Variants in IQCK observed in about 807,000 individuals in gnomAD.
IQCK encodes the protein IQ domain-containing protein K.
A neutral mutation model predicts 28.1 loss-of-function variants in IQCK; 29 were observed. The observed-to-expected ratio is 1.03, with a 90% CI of 0.77 to 1.41. The LOEUF is 1.41. Among genes scored for constraint, IQCK ranks in the 40% most tolerant of loss-of-function variants. The probability of loss-of-function intolerance (pLI) is 0.00; values close to 1 mark genes in which losing one functional copy is unlikely to be tolerated. For missense variants in IQCK, 359 were observed against 314.7 expected (o/e 1.14, Z -1.07); for synonymous variants, 113 against 115.1 (o/e 0.98, Z 0.12).
At chr16:19,723,902 C>T (rs1228348335) in intron 1 of IQCK, among the ~76,000 whole-genome samples, 3 of 150,994 alleles carry the variant, frequency 2.0e-5, no homozygotes, top group South Asian at 2.1e-4. Flanking sequence ...GGAGGTTGCA[C>T]TGAGCCGAGA....
At position 19,764,031 on chromosome 16, in the gene IQCK, C is replaced by G. The variant is rs2055191967; in HGVS notation, c.528-4C>G. 1.2e-6 allele frequency: 2 copies of G among 1,613,630 alleles called. No individual in the cohort carries two copies. Among genetic ancestry groups the G allele is most frequent in the Non-Finnish European group, 1.7e-6 (2 of 1,179,690 alleles). ...GTCAATCAAACATATGGCATCATGA[C>G]CAGCCAAAATCCAAAGAGGGCAGGG... On this transcript the variant is annotated splice_polypyrimidine_tract_variant and splice_region_variant and intron_variant, in intron 5 of 7. Coordinates refer to ENST00000564186, the Ensembl canonical transcript of IQCK.
chr16:19,746,463 A>G (rs1271253668), intron 4 of IQCK, among the ~76,000 whole-genome samples: 3 of 152,228 alleles, frequency 2.0e-5, no homozygotes, highest in South Asian at 4.1e-4. Context: ...CCTGACATTC[A>G]TTCCTACTGT....
chr16:19,819,478 G>A (rs2056035489), intron 7 of IQCK: 1 of 151,586 alleles, frequency 6.6e-6, no homozygotes, highest in African/African-American at 2.4e-5. Context: ...GGGTGACAGA[G>A]TGAGACTCCA....
chr16:19,732,435 TC>T lies in IQCK; in HGVS notation c.247-1262del, dbSNP rs537295084. Among the ~76,000 whole-genome samples the T allele has an allele frequency of 3.9e-5, 6 of 151,988 alleles. No individual in the cohort carries two copies. In the East Asian group the frequency reaches 1.2e-3, roughly 29 times the overall value. ...TTCTTCAGGGTGAACAGGCAGAGAGTCGGTATTTTGGGATTGGGCGGTGGCG... is the reference window on the plus strand; with the variant it reads ...TTCTTCAGGGTGAACAGGCAGAGAGTGGTATTTTGGGATTGGGCGGTGGCG... On this transcript the variant is annotated intron_variant, in intron 2 of 7. Coordinates refer to ENST00000564186, the Ensembl canonical transcript of IQCK.
At chr16:19,760,751 G>T (rs1212044563) in intron 4 of IQCK, among the ~76,000 whole-genome samples, 1 of 152,036 alleles carries the variant, frequency 6.6e-6, no homozygotes, top group African/African-American at 2.4e-5. Context: ...AAAAATTCAG[G>T]GCAAGTCCGT....
Position 19,733,825 on chromosome 16 carries a change from CAT to C in IQCK, c.375_376del (p.Cys126PhefsTer20), listed in dbSNP as rs1491468616. The stretch of plus-strand genomic sequence containing the variant: ...AAATCGGAAACAATCAACCCAAAAA[CAT>C]GTGAGTAAGAGAGATGCCATCTTTT... On this transcript the variant is annotated frameshift_variant and splice_region_variant, in exon 3 of 8. Transcript: ENST00000564186. LOFTEE classifies it high-confidence loss of function. The C allele has an allele frequency of 5.3e-5, 85 of 1,613,900 alleles. No individual in the cohort carries two copies. The highest frequency in any genetic ancestry group is 8.0e-5 in the African/African-American group (6 of 74,920).
chr16:19,726,700 A>G (rs1440880357), intron 1 of IQCK, among the ~76,000 whole-genome samples: 2 of 152,214 alleles, frequency 1.3e-5, no homozygotes, highest in Admixed American at 1.3e-4. Context: ...ATGAATGAAT[A>G]AGCCGTTAAA....
intron 9 of IQCK, among the ~76,000 whole-genome samples, chr16:19,832,748 G>A (rs2056248349): frequency 6.6e-6 from 1 of 152,176 alleles, no homozygotes. Flanking sequence ...TTACAGTTCT[G>A]CATGGCTGGG....
chr16:19,855,605 A>T (rs1301551449), intron 9 of IQCK, among the ~76,000 whole-genome samples: 2 of 152,152 alleles, frequency 1.3e-5, no homozygotes, highest in African/African-American at 2.4e-5. Context: ...AGTGCATTTC[A>T]TGGGATGGTG....
intron 4 of IQCK, among the ~76,000 whole-genome samples, chr16:19,742,644 C>A (rs2054853595): frequency 6.6e-6 from 1 of 152,196 alleles, no homozygotes; most frequent in African/African-American, 2.4e-5. Flanking sequence ...CAGCGTAATT[C>A]ATTGTTTATT....
chr16:19,824,984 G>A (rs779753690), intron 7 of IQCK, among the ~76,000 whole-genome samples: 5 of 152,118 alleles, frequency 3.3e-5, no homozygotes, highest in East Asian at 1.9e-4. Flanking sequence ...GGCTGGGTTC[G>A]ATGCCCCTTT....
intron 9 of IQCK, among the ~76,000 whole-genome samples, chr16:19,852,628 T>TC (rs930011088): frequency 2.0e-5 from 3 of 149,046 alleles, no homozygotes; most frequent in African/African-American, 7.4e-5. Flanking sequence ...ACTTTTTTTT[T>TC]TTTTTTTTTT....
intron 6 of IQCK, among the ~76,000 whole-genome samples, chr16:19,767,188 A>G (rs533256181): frequency 6.6e-6 from 1 of 152,250 alleles, no homozygotes; most frequent in South Asian, 2.1e-4. Flanking sequence ...TTTACAGCTG[A>G]AGCCCCAGTG....
rs62025013 is a variant in IQCK at position 19,761,140 on chromosome 16, G to A, written c.475-2708G>A. The A allele has an allele frequency of 4.8e-4, 138 of 290,142 alleles. 1 individual carries two copies. The highest frequency in any genetic ancestry group is 6.3e-4 in the Admixed American group (14 of 22,308). 18.0% of individuals were successfully genotyped at this position (290,142 alleles called of 1,614,324 possible). A position where few individuals can be genotyped will look rare whatever the true frequency, so the allele number is the denominator to read the frequency against. On this transcript the variant is annotated intron_variant, in intron 4 of 7. Transcript: ENST00000564186. The stretch of plus-strand genomic sequence containing the variant: ...TCCTGTGACTTGGAATGCCTTAACC[G>A]TCTGGGAATGCAGCCCAATAGGTCT...
chr16:19,827,198 C>T (rs757004790), downstream of IQCK: 12 of 1,243,008 alleles, frequency 9.7e-6, no homozygotes, highest in Non-Finnish European at 1.4e-5. Context: ...TTATTCCAGG[C>T]TCAAGAAGGA....
chr16:19,768,951 G>T (rs754180405), intron 6 of IQCK, among the ~76,000 whole-genome samples: 2 of 152,164 alleles, frequency 1.3e-5, no homozygotes, highest in East Asian at 3.8e-4. Flanking sequence ...AGTCTCCCAT[G>T]AGGTTGTAGT....
chr16:19,808,187 G>A (rs575265659), intron 7 of IQCK, among the ~76,000 whole-genome samples: 34 of 152,130 alleles, frequency 2.2e-4, no homozygotes, highest in Non-Finnish European at 4.0e-4. Context: ...GGGCTGCTTC[G>A]GGCCTGACTT....
downstream of IQCK, among the ~76,000 whole-genome samples, chr16:19,829,028 AAC>A (rs2056194125): frequency 7.0e-6 from 1 of 142,722 alleles, no homozygotes; most frequent in African/African-American, 2.6e-5. Context: ...TATGCATGGA[AAC>A]ACAGAGATGC....
chr16:19,838,610 C>A (rs986304423), intron 9 of IQCK, among the ~76,000 whole-genome samples: 4 of 152,134 alleles, frequency 2.6e-5, no homozygotes, highest in Admixed American at 2.6e-4. Context: ...CCAAACGTTG[C>A]GTGTCTGCAA....
Sources: allele counts gnomAD v4.1 joint callset (sites outside exome capture counted in the v4.1 genomes callset), GRCh38; gene constraint gnomAD v4.1.1; transcripts MANE v1.5; gene names NCBI Gene and HGNC (gene_info 2026-07-23, HGNC 2026-07-21).